OSBPL9: variants seen among roughly 807,000 people sequenced by gnomAD.
OSBPL9 encodes oxysterol-binding protein-related protein 9.
Under a neutral mutation model 106.6 loss-of-function variants are expected in OSBPL9, and 40 were observed. That is an observed-to-expected ratio of 0.38 (90% CI 0.29 to 0.49). OSBPL9 has a LOEUF of 0.49. OSBPL9 is among the 20% of genes least tolerant of loss of function. The pLI is 0.97. For synonymous variants in OSBPL9, 269 were observed against 295.4 expected (o/e 0.91, Z 0.92); for missense variants, 609 against 887.2 (o/e 0.69, Z 3.98).
chr1:51,743,383 A>C (rs1016151491), intron 4 of OSBPL9, among the ~76,000 whole-genome samples: 1 of 152,214 alleles, frequency 6.6e-6, no homozygotes, highest in Non-Finnish European at 1.5e-5. Context: ...AACATCAAAA[A>C]GTTGTTTCTG....
the OSBPL9 span, among the ~76,000 whole-genome samples, chr1:51,559,912 GAAGAA>G: frequency 6.6e-6 from 1 of 151,840 alleles, no homozygotes; most frequent in African/African-American, 2.4e-5. Context: ...AATTAGATAG[GAAGAA>G]AAGAAAAGAA....
chr1:51,579,579 A>G (rs1165663755), intron 1 of OSBPL9, among the ~76,000 whole-genome samples: 1 of 152,172 alleles, frequency 6.6e-6, no homozygotes, highest in African/African-American at 2.4e-5. Context: ...TTTCAATGAG[A>G]AATTTTTCTA....
At chr1:51,591,639 T>A (rs866826183) in intron 1 of OSBPL9, among the ~76,000 whole-genome samples, 53 of 152,064 alleles carry the variant, frequency 3.5e-4, no homozygotes, top group African/African-American at 1.3e-3. Flanking sequence ...AAACCCCATC[T>A]CTACCAAATT....
At chr1:51,730,191 G>T in intron 4 of OSBPL9, 1 of 1,230,978 alleles carries the variant, frequency 8.1e-7, no homozygotes. Context: ...CAGCCTAGAT[G>T]GGGTGGAGGC....
Position 51,648,925 on chromosome 1 carries a change from CTTATTTAACGGTG to C in OSBPL9, c.112-3059_112-3047del, listed in dbSNP as rs1646335131. On this transcript the variant is annotated intron_variant, in intron 1 of 23. Coordinates refer to ENST00000428468, the MANE Select transcript of OSBPL9 (RefSeq NM_024586.6). ...GCTATTATCCCTTTCTCCAAGTCCTCTTATTTAACGGTGTTATTTTTCTAAAACACACCTTTAA... is the reference window on the plus strand; with the variant it reads ...GCTATTATCCCTTTCTCCAAGTCCTCTTATTTTTCTAAAACACACCTTTAA... Among the ~76,000 whole-genome samples, 4 of 152,226 alleles carry C rather than the reference CTTATTTAACGGTG, an allele frequency of 2.6e-5. No individual in the cohort carries two copies. In the South Asian group the frequency reaches 8.3e-4, roughly 32 times the overall value.
At chr1:51,596,027 TG>T (rs2148602602) in intron 1 of OSBPL9, among the ~76,000 whole-genome samples, 2 of 152,106 alleles carry the variant, frequency 1.3e-5, no homozygotes, top group South Asian at 2.1e-4. Context: ...GAGGCCGAAG[TG>T]GGTGGATCAC....
intron 3 of OSBPL9, among the ~76,000 whole-genome samples, chr1:51,698,190 C>T (rs181087684): frequency 3.3e-5 from 5 of 152,166 alleles, no homozygotes; most frequent in South Asian, 2.1e-4. Flanking sequence ...AGGTATCAGA[C>T]GAGGATTTGG....
At chr1:51,553,747 C>T in the OSBPL9 span, among the ~76,000 whole-genome samples, 29 of 152,066 alleles carry the variant, frequency 1.9e-4, no homozygotes, top group Non-Finnish European at 3.2e-4. Flanking sequence ...TGGCGCATCT[C>T]GGCTCACTGC....
At chr1:51,785,975 A>G (rs1677522924) in intron 21 of OSBPL9, 89 bp downstream of exon 21, 3 of 1,083,626 alleles carry the variant, frequency 2.8e-6, no homozygotes, top group Non-Finnish European at 2.8e-6. Context: ...TACTTCCTTC[A>G]TAATGCATTT....
chr1:51,616,947 G>T, upstream of OSBPL9: 1 of 1,371,484 alleles, frequency 7.3e-7, no homozygotes, highest in Non-Finnish European at 9.7e-7. Flanking sequence ...ACACACAATA[G>T]GCGCCCTAAG....
At chr1:51,620,159 G>C (rs1644337279) in intron 1 of OSBPL9, among the ~76,000 whole-genome samples, 1 of 152,126 alleles carries the variant, frequency 6.6e-6, no homozygotes, top group Admixed American at 6.5e-5. Flanking sequence ...TGGCCAGGGA[G>C]AACTAAGGAT....
chr1:51,558,005 T>TA, the OSBPL9 span, among the ~76,000 whole-genome samples: 1,672 of 151,686 alleles, frequency 0.011, 22 homozygotes, highest in Middle Eastern at 0.045. Context: ...TAATCTAATT[T>TA]AAAAAAAAAT....
At chr1:51,614,989 A>G (rs957279215), upstream of OSBPL9, among the ~76,000 whole-genome samples, 1 of 152,138 alleles carries the variant, frequency 6.6e-6, no homozygotes. Context: ...GCCCAGCGCA[A>G]TGGCTCACAC....
chr1:51,719,776 T>C (rs772862844), intron 4 of OSBPL9, among the ~76,000 whole-genome samples: 2 of 152,194 alleles, frequency 1.3e-5, no homozygotes, highest in Admixed American at 1.3e-4. Flanking sequence ...TAAAATCTTA[T>C]AGAACTATAC....
chr1:51,761,991 C>A lies in OSBPL9; in HGVS notation c.778+20C>A. On this transcript the variant is annotated intron_variant, in intron 11 of 23. Coordinates refer to ENST00000428468, the MANE Select transcript of OSBPL9 (RefSeq NM_024586.6). The stretch of plus-strand genomic sequence containing the variant: ...GTACAGGTACAGATTTGCATAATTT[C>A]TTTATGTCTCATAACTCTATTAACA... 1 of 1,512,462 alleles carries A rather than the reference C, an allele frequency of 6.6e-7. No homozygotes were observed. The highest frequency in any genetic ancestry group is 9.2e-7 in the Non-Finnish European group (1 of 1,087,826). The allele number at this position is 1,512,462 out of a possible 1,614,324, so 93.7% of individuals were successfully genotyped here.
At chr1:51,725,406 C>G (rs1312323129) in intron 4 of OSBPL9, among the ~76,000 whole-genome samples, 5 of 152,066 alleles carry the variant, frequency 3.3e-5, no homozygotes, top group South Asian at 2.1e-4. Context: ...GTAACAATTC[C>G]AACATCCCTG....
intron 1 of OSBPL9, among the ~76,000 whole-genome samples, chr1:51,637,396 A>G (rs1645515859): frequency 6.6e-6 from 1 of 152,092 alleles, no homozygotes; most frequent in Non-Finnish European, 1.5e-5. Context: ...AGGCTGAGGC[A>G]GGAGAATCAG....
At chr1:51,519,480 C>A in the OSBPL9 span, among the ~76,000 whole-genome samples, 1 of 151,738 alleles carries the variant, frequency 6.6e-6, no homozygotes, top group South Asian at 2.1e-4. Context: ...CCAGAGCCTG[C>A]CCCCGGGGCC....
At chr1:51,782,722 G>GGCCGGGCGCGGTGGCTC in intron 17 of OSBPL9, 79 bp downstream of exon 17, 1 of 1,263,392 alleles carries the variant, frequency 7.9e-7, no homozygotes, top group Non-Finnish European at 1.1e-6. Flanking sequence ...CGCCATAGCT[G>GGCCGGGCGCGGTGGCTC]AGGGTACTGT....
Sources: allele counts gnomAD v4.1 joint callset (sites outside exome capture counted in the v4.1 genomes callset), GRCh38; gene constraint gnomAD v4.1.1; transcripts MANE v1.5; gene names NCBI Gene and HGNC (gene_info 2026-07-23, HGNC 2026-07-21).